The following TXLNB variants were observed in gnomAD, a reference collection of about 807,000 sequenced individuals.
The protein encoded by TXLNB is taxilin beta.
Under a neutral mutation model 57.4 loss-of-function variants are expected in TXLNB, and 37 were observed. That is an observed-to-expected ratio of 0.64 (90% CI 0.50 to 0.85). The LOEUF is 0.85. Ranked by LOEUF, TXLNB falls within the 40% of genes least tolerant of loss-of-function variation. TXLNB has a pLI of 0.00. For synonymous variants in TXLNB, 302 were observed against 309.6 expected, an observed-to-expected ratio of 0.98 and a Z score of 0.26; for missense variants, 848 against 825.6, an observed-to-expected ratio of 1.03 and a Z score of -0.33.
the TXLNB span, among the ~76,000 whole-genome samples, chr6:139,306,482 T>C: frequency 1.3e-5 from 2 of 152,162 alleles, no homozygotes; most frequent in African/African-American, 4.8e-5. Flanking sequence ...GAATGGCAAA[T>C]GGTTGAGGCA....
chr6:139,292,413 A>ATCT (rs752559934), upstream of TXLNB, among the ~76,000 whole-genome samples: 2 of 152,162 alleles, frequency 1.3e-5, no homozygotes, highest in Non-Finnish European at 2.9e-5. The surrounding 1 kb of genome is among the most constrained non-coding windows in gnomAD (Gnocchi z 4.0). Flanking sequence ...TGGAAGATTC[A>ATCT]TCTTCTTTTT....
In TXLNB at chr6:139,242,933, G is replaced by C; in HGVS notation, c.1648C>G (p.Arg550Gly). 1 of 1,614,148 alleles carries C rather than the reference G, an allele frequency of 6.2e-7. No homozygotes were observed. Among genetic ancestry groups the C allele is most frequent in the Non-Finnish European group, 8.5e-7 (1 of 1,180,014 alleles). ...GGAGGCAGGGGACTCTCTGAATCCC[G>C]TGAAGGGATCAGAGGGGGTTGCTCT... is the stretch of plus-strand genomic sequence containing the variant. ...EPEQPPLIPSRDSESPLPPLT... is the reference protein window; with the variant it reads ...EPEQPPLIPSGDSESPLPPLT... Residue 550 changes from arginine to glycine, a missense_variant, in exon 10 of 10, where the codon CGG (arginine) becomes GGG (glycine). By Grantham distance (125) the Arg-to-Gly change is moderately radical. Transcript: ENST00000358430.
rs979128044 is a variant in TXLNB at position 139,285,307 on chromosome 6, C to T, written c.424+3169G>A. Among the ~76,000 whole-genome samples the T allele has an allele frequency of 2.9e-5, 4 of 136,508 alleles. 1 individual carries two copies. Among genetic ancestry groups the T allele is most frequent in the African/African-American group, 1.1e-4 (4 of 36,662 alleles). The allele number at this position is 136,508 out of a possible 152,430, so 89.6% of individuals were successfully genotyped here. A position where few individuals can be genotyped will look rare whatever the true frequency, so the allele number is the denominator to read the frequency against. On this transcript the variant is annotated intron_variant, in intron 2 of 9. Coordinates refer to ENST00000358430, the MANE Select transcript of TXLNB (RefSeq NM_153235.4). ...ACACACACACACACACACACACACC[C>T]CAATTCTTATGTAAAAGTTTTAGGG...
At chr6:139,217,725 C>T in the TXLNB span, among the ~76,000 whole-genome samples, 1 of 151,800 alleles carries the variant, frequency 6.6e-6, no homozygotes. Flanking sequence ...AAAAATTAGC[C>T]GGGCACGGTG....
At chr6:139,212,544 T>C in the TXLNB span, among the ~76,000 whole-genome samples, 3 of 152,234 alleles carry the variant, frequency 2.0e-5, no homozygotes, top group South Asian at 2.1e-4. Flanking sequence ...GTAAAGACCA[T>C]TGAGGCTAGG....
the TXLNB span, among the ~76,000 whole-genome samples, chr6:139,197,465 C>A: frequency 6.6e-6 from 1 of 152,156 alleles, no homozygotes; most frequent in Non-Finnish European, 1.5e-5. Flanking sequence ...GAAGACTTTT[C>A]ATCTTTCACT....
the TXLNB span, among the ~76,000 whole-genome samples, chr6:139,175,659 G>A: frequency 1.3e-5 from 2 of 152,158 alleles, no homozygotes; most frequent in South Asian, 4.1e-4. Flanking sequence ...TCATACAATG[G>A]AGGCCTACAA....
the TXLNB span, chr6:139,166,154 A>G: frequency 6.7e-6 from 5 of 744,252 alleles, no homozygotes; most frequent in Non-Finnish European, 8.9e-6. Context: ...TTCATCTTTA[A>G]AGGAACCCTG....
Position 139,262,637 on chromosome 6 carries a change from T to G in TXLNB, c.824A>C (p.Asn275Thr). 1 of 1,614,198 alleles carries G rather than the reference T, an allele frequency of 6.2e-7. No homozygotes were observed. The highest frequency in any genetic ancestry group is 1.1e-5 in the South Asian group (1 of 91,082). ...TTTCAGCTTTTCTGCAAGCTCTGTG[T>G]TCTCCTGACAGAGCTTCATATTTCG... ...SERNMKLCQE[N>T]TELAEKLKSI... Residue 275 changes from asparagine (N) to threonine (T), a missense_variant, in exon 5 of 10, where the codon AAC becomes ACC. By Grantham distance (65) the Asn-to-Thr change is moderately conservative (BLOSUM62 0). Transcript: ENST00000358430.
At chr6:139,227,349 AAAAC>A in the TXLNB span, among the ~76,000 whole-genome samples, 1 of 151,606 alleles carries the variant, frequency 6.6e-6, no homozygotes, top group Non-Finnish European at 1.5e-5. Flanking sequence ...AAAACAAAAC[AAAAC>A]AAACAAAAAA....
chr6:139,294,837 A>T (rs1227266840), upstream of TXLNB, among the ~76,000 whole-genome samples: 1 of 152,104 alleles, frequency 6.6e-6, no homozygotes, highest in Non-Finnish European at 1.5e-5. Flanking sequence ...TAAAATACAG[A>T]AATTAGCTGG....
At chr6:139,250,193 T>TTC (rs1776164513) in intron 7 of TXLNB, among the ~76,000 whole-genome samples, 2 of 150,644 alleles carry the variant, frequency 1.3e-5, no homozygotes, top group Non-Finnish European at 3.0e-5. Context: ...TTTTTTTTTT[T>TTC]TTTTAACACA....
At chr6:139,284,824 A>G (rs1381905690) in intron 2 of TXLNB, among the ~76,000 whole-genome samples, 2 of 146,472 alleles carry the variant, frequency 1.4e-5, no homozygotes, top group Non-Finnish European at 3.0e-5. Flanking sequence ...ATTTAACTGA[A>G]AAGTAGCTAA....
At chr6:139,192,165 A>G in the TXLNB span, among the ~76,000 whole-genome samples, 4 of 152,160 alleles carry the variant, frequency 2.6e-5, no homozygotes, top group Non-Finnish European at 5.9e-5. Context: ...TTTACTTCTG[A>G]TTTATTTATT....
chr6:139,162,227 A>G, the TXLNB span, among the ~76,000 whole-genome samples: 1 of 151,968 alleles, frequency 6.6e-6, no homozygotes, highest in South Asian at 2.1e-4. Flanking sequence ...AGGGGAGGAG[A>G]AGGGTTGGAG....
In TXLNB at chr6:139,276,946, A is replaced by C. The variant is rs748938291; in HGVS notation, c.425-25T>G. ...CCTTAAAAAAAAAAGACATGAAAAAAATAAGTGTTGAATTTACAGTCAGGT... is the reference window on the plus strand; with the variant it reads ...CCTTAAAAAAAAAAGACATGAAAAACATAAGTGTTGAATTTACAGTCAGGT... On this transcript the variant is annotated intron_variant, in intron 2 of 9. Transcript: ENST00000358430. 5 of 1,556,940 alleles carry C rather than the reference A, an allele frequency of 3.2e-6. No individual in the cohort carries two copies. The South Asian group carries it at 4.7e-5, about 15-fold the overall frequency.
intron 2 of TXLNB, among the ~76,000 whole-genome samples, chr6:139,281,001 C>A (rs1448315298): frequency 6.6e-6 from 1 of 152,060 alleles, no homozygotes; most frequent in East Asian, 1.9e-4. Flanking sequence ...GGATAGGAGA[C>A]CTGGGTTCCA....
At chr6:139,323,282 G>GTT in the TXLNB span, among the ~76,000 whole-genome samples, 67 of 134,442 alleles carry the variant, frequency 5.0e-4, no homozygotes, top group African/African-American at 8.8e-4. Context: ...AATTTGTTTA[G>GTT]TTTTTTTTTT....
At chr6:139,248,565 T>A (rs1776122720) in intron 7 of TXLNB, among the ~76,000 whole-genome samples, 1 of 152,002 alleles carries the variant, frequency 6.6e-6, no homozygotes, top group African/African-American at 2.4e-5. Context: ...TTTATCAACA[T>A]TGATTGAGTA....
Sources: allele counts gnomAD v4.1 joint callset (sites outside exome capture counted in the v4.1 genomes callset), GRCh38; gene constraint gnomAD v4.1.1; non-coding constraint Gnocchi (gnomAD v3.1); transcripts MANE v1.5; gene names NCBI Gene and HGNC (gene_info 2026-07-23, HGNC 2026-07-21).